COL19A1: variants seen among roughly 807,000 people sequenced by gnomAD.
The protein encoded by COL19A1 is collagen alpha-1(XIX) chain.
Under a neutral mutation model 190.2 loss-of-function variants are expected in COL19A1, and 159 were observed. The ratio of observed to expected loss-of-function variants is 0.84; its 90% CI spans 0.73 to 0.95. COL19A1 has a LOEUF of 0.95. Among genes scored for constraint, COL19A1 ranks in the 40% least tolerant of loss-of-function variants. The probability of loss-of-function intolerance (pLI) is 0.00; values close to 1 mark genes in which losing one functional copy is unlikely to be tolerated. For synonymous variants in COL19A1, 509 were observed against 458.9 expected (o/e 1.11, Z -1.39); for missense variants, 1,418 against 1,431.9 (o/e 0.99, Z 0.16).
At chr6:70,136,719 T>C (rs1023245179) in intron 18 of COL19A1, among the ~76,000 whole-genome samples, 6 of 152,192 alleles carry the variant, frequency 3.9e-5, no homozygotes, top group African/African-American at 1.4e-4. Flanking sequence ...GTAAATTTTT[T>C]AATTTCTTTC....
intron 4 of COL19A1, among the ~76,000 whole-genome samples, chr6:69,921,386 CAT>C (rs1477095454): frequency 3.8e-5 from 4 of 105,714 alleles, no homozygotes; most frequent in African/African-American, 8.8e-5. Context: ...TCATATATAT[CAT>C]ATATATCATA....
intron 18 of COL19A1, among the ~76,000 whole-genome samples, chr6:70,132,173 G>A (rs989490019): frequency 2.0e-5 from 3 of 152,150 alleles, no homozygotes; most frequent in African/African-American, 7.2e-5. Context: ...GCCAAGGCAG[G>A]AAGAACCTTT....
At chr6:69,906,823 T>C (rs1271671377) in intron 4 of COL19A1, among the ~76,000 whole-genome samples, 1 of 152,200 alleles carries the variant, frequency 6.6e-6, no homozygotes, top group African/African-American at 2.4e-5. Flanking sequence ...AAGAGGTAGC[T>C]GGTAGGAGCT....
At chr6:70,097,394 A>G (rs934461201) in intron 15 of COL19A1, among the ~76,000 whole-genome samples, 11 of 152,178 alleles carry the variant, frequency 7.2e-5, no homozygotes, top group Middle Eastern at 3.4e-3. Flanking sequence ...TTTAAGGCTG[A>G]AAATATTCCA....
chr6:70,168,085 T>G lies in COL19A1; in HGVS notation c.2496+10T>G. ...TTTATATAAAATTAAGGTATTTATATTTGTAATTATTTAAAATCCAGTTAT... is the reference window on the plus strand; with the variant it reads ...TTTATATAAAATTAAGGTATTTATAGTTGTAATTATTTAAAATCCAGTTAT... On this transcript the variant is annotated intron_variant, in intron 38 of 50. Transcript: ENST00000620364. 1 of 1,585,020 alleles carries G rather than the reference T, an allele frequency of 6.3e-7. No individual in the cohort carries two copies. The highest frequency in any genetic ancestry group is 2.0e-4 in the Middle Eastern group (1 of 5,040).
intron 4 of COL19A1, among the ~76,000 whole-genome samples, chr6:69,903,864 T>C (rs1770348703): frequency 1.3e-5 from 2 of 152,164 alleles, no homozygotes; most frequent in Non-Finnish European, 2.9e-5. Context: ...ATACCAATCC[T>C]AGGCAAGGGG....
intron 22 of COL19A1, 112 bp downstream of exon 22, chr6:70,142,188 A>G (rs1786297584): frequency 1.1e-6 from 1 of 933,248 alleles, no homozygotes; most frequent in African/African-American, 1.7e-5. Context: ...ATGCTCTCCA[A>G]GACTTTATCC....
intron 14 of COL19A1, among the ~76,000 whole-genome samples, chr6:70,051,403 C>A (rs1308593720): frequency 6.6e-6 from 1 of 152,134 alleles, no homozygotes; most frequent in Non-Finnish European, 1.5e-5. Context: ...CATTATTACT[C>A]ATGGCAGCAA....
At chr6:70,097,329 T>C (rs2150182493) in intron 15 of COL19A1, among the ~76,000 whole-genome samples, 1 of 152,286 alleles carries the variant, frequency 6.6e-6, no homozygotes, top group South Asian at 2.1e-4. Flanking sequence ...TTTTACTTAG[T>C]ATAATGTCCT....
chr6:70,026,754 C>T (rs1353448925), intron 12 of COL19A1, among the ~76,000 whole-genome samples: 1 of 152,118 alleles, frequency 6.6e-6, no homozygotes, highest in African/African-American at 2.4e-5. Flanking sequence ...TTGACCCTCA[C>T]CCAGCTTAAT....
chr6:70,055,743 C>CTTG (rs1297882915), intron 14 of COL19A1, among the ~76,000 whole-genome samples: 1 of 142,574 alleles, frequency 7.0e-6, no homozygotes, highest in Non-Finnish European at 1.5e-5. Context: ...GATCGTGCCA[C>CTTG]TGCACTCCAG....
At chr6:69,874,682 C>T (rs1021026922) in intron 1 of COL19A1, among the ~76,000 whole-genome samples, 17 of 151,752 alleles carry the variant, frequency 1.1e-4, no homozygotes, top group Non-Finnish European at 2.5e-4. Flanking sequence ...ACCCAGGAGG[C>T]GGAGCTTGCA....
At chr6:69,896,543 C>CAAAAAAAAAAAAAAAA (rs61409385) in intron 2 of COL19A1, among the ~76,000 whole-genome samples, 12 of 71,684 alleles carry the variant, frequency 1.7e-4, no homozygotes, top group African/African-American at 7.2e-4. Context: ...GACTCCGTCT[C>CAAAAAAAAAAAAAAAA]AAAAAAAAAA....
chr6:69,988,419 C>T (rs1348990809), intron 11 of COL19A1, among the ~76,000 whole-genome samples: 1 of 152,180 alleles, frequency 6.6e-6, no homozygotes, highest in Non-Finnish European at 1.5e-5. Context: ...CATATGTGGG[C>T]TTTTAATAGT....
intron 4 of COL19A1, among the ~76,000 whole-genome samples, chr6:69,925,262 A>G (rs1475253441): frequency 3.9e-5 from 6 of 152,150 alleles, no homozygotes; most frequent in Admixed American, 3.3e-4. Flanking sequence ...TAATTTTTGT[A>G]TAAGGTGTAA....
intron 7 of COL19A1, among the ~76,000 whole-genome samples, chr6:69,934,023 A>C (rs1772950538): frequency 6.6e-6 from 1 of 152,032 alleles, no homozygotes; most frequent in Non-Finnish European, 1.5e-5. Context: ...TTATATGAAA[A>C]TTTTATCAAC....
intron 11 of COL19A1, among the ~76,000 whole-genome samples, chr6:70,000,958 A>G (rs187691760): frequency 1.3e-5 from 2 of 152,104 alleles, no homozygotes; most frequent in South Asian, 4.1e-4. Flanking sequence ...CTATGTCCTG[A>G]AGGGTACTGC....
chr6:70,098,573 C>T (rs1042179989), intron 15 of COL19A1: 4 of 426,540 alleles, frequency 9.4e-6, no homozygotes, highest in African/African-American at 4.1e-5. Context: ...AGGGTAGCCA[C>T]ATTTGCCACA....
chr6:70,072,548 C>T (rs893617735), intron 15 of COL19A1, among the ~76,000 whole-genome samples: 1 of 152,162 alleles, frequency 6.6e-6, no homozygotes, highest in Non-Finnish European at 1.5e-5. Context: ...CTCTATCCTG[C>T]CCTGTCTTGC....
Sources: gnomAD v4.1 joint callset for allele counts (sites outside exome capture counted in the v4.1 genomes callset) on GRCh38, gnomAD v4.1.1 for gene constraint, MANE v1.5 for transcripts, NCBI Gene and HGNC (gene_info 2026-07-23, HGNC 2026-07-21) for gene names.